TRAPPC12: variants seen among roughly 807,000 people sequenced by gnomAD.
TRAPPC12 encodes trafficking protein particle complex subunit 12, also known as TPR repeat protein 15.
In TRAPPC12, 61 loss-of-function variants were observed where a neutral mutation model predicts 69.2. The observed-to-expected ratio is 0.88, with a 90% CI of 0.72 to 1.09. TRAPPC12 has a LOEUF of 1.09. Among genes scored for constraint, TRAPPC12 ranks in the 50% least tolerant of loss-of-function variants. TRAPPC12 has a pLI of 0.00. For missense variants in TRAPPC12, 1,101 were observed against 1,016.4 expected (o/e 1.08, Z -1.13); for synonymous variants, 469 against 438.9 (o/e 1.07, Z -0.86).
At chr2:3,453,873 T>C (rs1226313316) in intron 6 of TRAPPC12, among the ~76,000 whole-genome samples, 2 of 152,212 alleles carry the variant, frequency 1.3e-5, no homozygotes, top group Admixed American at 1.3e-4. Context: ...TAATGTACTG[T>C]TACTTTATAA....
intron 9 of TRAPPC12, among the ~76,000 whole-genome samples, chr2:3,473,037 C>G (rs1487280603): frequency 6.6e-6 from 1 of 152,216 alleles, no homozygotes; most frequent in Non-Finnish European, 1.5e-5. Flanking sequence ...AGGATTCTTG[C>G]TCACACTGGA....
chr2:3,468,558 A>G (rs777211383), intron 9 of TRAPPC12, among the ~76,000 whole-genome samples: 9 of 152,058 alleles, frequency 5.9e-5, no homozygotes, highest in Non-Finnish European at 8.8e-5. Context: ...TGTCTTTCCT[A>G]TGTCTTGAGG....
chr2:3,459,863 G>A, intron 7 of TRAPPC12: 3 of 326,486 alleles, frequency 9.2e-6, no homozygotes, highest in South Asian at 4.9e-5. Flanking sequence ...ACTGCGAGAG[G>A]CTGGCGGCCA....
Position 3,388,440 on chromosome 2 carries a change from C to A in TRAPPC12, c.817C>A (p.Pro273Thr), listed in dbSNP as rs199789871. ...CATGCGAGGGCCCCAGGCAGCTGCGCCCCCGGCGTCGCCAGAGCCTTTCGC... is the reference window on the plus strand; with the variant it reads ...CATGCGAGGGCCCCAGGCAGCTGCGACCCCGGCGTCGCCAGAGCCTTTCGC... The part of the protein sequence containing the change: ...VAMRGPQAAA[P>T]PASPEPFAHI... The change falls in exon 2 of 12, where the codon CCC (proline) becomes ACC (threonine). Residue 273 changes from proline to threonine, a missense_variant. Coordinates refer to ENST00000324266, the MANE Select transcript of TRAPPC12 (RefSeq NM_016030.6). 1 of 1,607,918 alleles carries A rather than the reference C, an allele frequency of 6.2e-7. No individual in the cohort carries two copies. The highest frequency in any genetic ancestry group is 8.5e-7 in the Non-Finnish European group (1 of 1,177,634).
intron 3 of TRAPPC12, among the ~76,000 whole-genome samples, chr2:3,405,301 A>G (rs7586698): frequency 0.026 from 3,985 of 152,108 alleles, 167 homozygotes; most frequent in African/African-American, 0.091. Context: ...GGTTGGCCCC[A>G]AACAAATGTC....
chr2:3,413,645 AGAC>A (rs536346452), intron 3 of TRAPPC12, among the ~76,000 whole-genome samples: 3 of 152,224 alleles, frequency 2.0e-5, no homozygotes, highest in African/African-American at 2.4e-5. Context: ...TTTTAAAAAA[AGAC>A]GACAAGGATG....
At chr2:3,476,479 C>A (rs1340242507) in intron 9 of TRAPPC12, among the ~76,000 whole-genome samples, 4 of 152,172 alleles carry the variant, frequency 2.6e-5, no homozygotes, top group African/African-American at 7.2e-5. Flanking sequence ...TTAGAACACC[C>A]AAATCCTTGC....
intron 11 of TRAPPC12, 88 bp downstream of exon 11, chr2:3,479,021 G>A (rs981939840): frequency 6.7e-7 from 1 of 1,497,578 alleles, no homozygotes; most frequent in African/African-American, 1.4e-5. Flanking sequence ...GCAGGGGCCT[G>A]CGCTCTCTCT....
chr2:3,476,424 CAT>C (rs377047875), intron 9 of TRAPPC12, among the ~76,000 whole-genome samples: 201 of 152,330 alleles, frequency 1.3e-3, no homozygotes, highest in African/African-American at 4.6e-3. Flanking sequence ...CCGAGGGCCT[CAT>C]GAGGCCTGCA....
chr2:3,429,089 C>T (rs569691145), intron 5 of TRAPPC12, among the ~76,000 whole-genome samples: 3 of 152,312 alleles, frequency 2.0e-5, no homozygotes, highest in African/African-American at 4.8e-5. Context: ...ATCAGAGTTC[C>T]TTTCGTGGGT....
intron 9 of TRAPPC12, chr2:3,472,685 TG>T (rs1457057782): frequency 6.6e-6 from 1 of 152,248 alleles, no homozygotes; most frequent in Non-Finnish European, 1.5e-5. Context: ...ACCTATGGCA[TG>T]GGAGACATTG....
chr2:3,452,603 A>G (rs1664908616), intron 6 of TRAPPC12, among the ~76,000 whole-genome samples: 1 of 152,120 alleles, frequency 6.6e-6, no homozygotes, highest in Admixed American at 6.5e-5. Context: ...TGCGGCTTGT[A>G]CTGGGAGGCC....
At chr2:3,458,823 G>A (rs1665323382) in intron 7 of TRAPPC12, among the ~76,000 whole-genome samples, 1 of 152,162 alleles carries the variant, frequency 6.6e-6, no homozygotes, top group South Asian at 2.1e-4. Flanking sequence ...TTTATAAGGA[G>A]GGTAGGGGAG....
intron 2 of TRAPPC12, among the ~76,000 whole-genome samples, chr2:3,391,070 A>G (rs1660796677): frequency 6.6e-6 from 1 of 152,252 alleles, no homozygotes; most frequent in South Asian, 2.1e-4. Context: ...TAAAATTTTT[A>G]TAAATATATG....
At chr2:3,405,019 C>T (rs1296173881) in intron 3 of TRAPPC12, among the ~76,000 whole-genome samples, 2 of 152,106 alleles carry the variant, frequency 1.3e-5, no homozygotes, top group East Asian at 3.8e-4. Flanking sequence ...GAATCCAGCA[C>T]ATTTTCAAAC....
chr2:3,453,742 C>G (rs1247453839), intron 6 of TRAPPC12, among the ~76,000 whole-genome samples: 1 of 152,230 alleles, frequency 6.6e-6, no homozygotes, highest in Non-Finnish European at 1.5e-5. Flanking sequence ...CCAGCCGCAC[C>G]ACATTTGCAA....
intron 6 of TRAPPC12, among the ~76,000 whole-genome samples, chr2:3,450,571 T>C (rs1393401644): frequency 6.6e-6 from 1 of 152,206 alleles, no homozygotes; most frequent in East Asian, 1.9e-4. Context: ...CGCACGTCAG[T>C]GACCTCGCAT....
chr2:3,409,805 C>T (rs984934176), intron 3 of TRAPPC12, among the ~76,000 whole-genome samples: 8 of 139,784 alleles, frequency 5.7e-5, no homozygotes, highest in African/African-American at 1.8e-4. Context: ...AATCCTGTTT[C>T]TATTCCCTCT....
At chr2:3,430,356 T>G (rs1303552149) in intron 5 of TRAPPC12, among the ~76,000 whole-genome samples, 2 of 152,226 alleles carry the variant, frequency 1.3e-5, no homozygotes, top group African/African-American at 4.8e-5. Context: ...TTCCCCACTC[T>G]TGTGTAACTA....
Sources: allele counts gnomAD v4.1 joint callset (sites outside exome capture counted in the v4.1 genomes callset), GRCh38; gene constraint gnomAD v4.1.1; transcripts MANE v1.5; gene names NCBI Gene and HGNC (gene_info 2026-07-23, HGNC 2026-07-21).